The following RPF2 variants were observed in gnomAD, a reference collection of about 807,000 sequenced individuals.
RPF2 encodes ribosome production factor 2 homolog, also known as brix domain containing 1.
RPF2 carries 21 observed loss-of-function variants against 38.9 expected under a neutral mutation model. The ratio of observed to expected loss-of-function variants is 0.54; its 90% CI spans 0.38 to 0.78. The LOEUF (loss-of-function observed/expected upper bound fraction) is 0.78. RPF2 is among the 30% of genes least tolerant of loss of function. The pLI is 0.00. For synonymous variants in RPF2, 121 were observed against 126.2 expected, an observed-to-expected ratio of 0.96 and a Z score of 0.28; for missense variants, 314 against 358.1, an observed-to-expected ratio of 0.88 and a Z score of 0.99.
chr6:111,001,980 A>G (rs777779305), intron 6 of RPF2, among the ~76,000 whole-genome samples: 1 of 152,148 alleles, frequency 6.6e-6, no homozygotes, highest in Non-Finnish European at 1.5e-5. Flanking sequence ...ATTGTCTCAT[A>G]TATGTATAAA....
intron 8 of RPF2, among the ~76,000 whole-genome samples, chr6:111,017,930 A>C (rs1772157873): frequency 6.6e-6 from 1 of 152,088 alleles, no homozygotes. Context: ...AACATTGAGC[A>C]CTGAGTGAAC....
intron 7 of RPF2, among the ~76,000 whole-genome samples, chr6:111,014,070 G>A (rs1036690241): frequency 6.6e-6 from 1 of 151,194 alleles, no homozygotes; most frequent in African/African-American, 2.4e-5. Context: ...GTAGAGGAGG[G>A]TGGTGTATAA....
At chr6:111,002,212 G>A (rs1428207193) in intron 6 of RPF2, among the ~76,000 whole-genome samples, 2 of 152,194 alleles carry the variant, frequency 1.3e-5, no homozygotes, top group African/African-American at 2.4e-5. Flanking sequence ...CCCAGGAGGT[G>A]GAGGTTGCAG....
chr6:110,983,663 C>T (rs1771469695), intron 1 of RPF2, among the ~76,000 whole-genome samples: 1 of 152,088 alleles, frequency 6.6e-6, no homozygotes, highest in African/African-American at 2.4e-5. Flanking sequence ...TAAAAATTGG[C>T]CTGTTTACTT....
At chr6:110,984,841 AAAAC>A (rs147892015) in intron 1 of RPF2, among the ~76,000 whole-genome samples, 161 bp from the exon 2 acceptor site, 2 of 151,134 alleles carry the variant, frequency 1.3e-5, no homozygotes, top group Non-Finnish European at 2.9e-5. Flanking sequence ...CTCCATCTCA[AAAAC>A]AAACAAAAAA....
At chr6:110,996,511 A>G (rs1265313153) in intron 4 of RPF2, among the ~76,000 whole-genome samples, 2 of 152,288 alleles carry the variant, frequency 1.3e-5, no homozygotes, top group East Asian at 3.9e-4. Context: ...AATGTATGCA[A>G]TGATAGTAGT....
chr6:111,021,490 T>C (rs1350338097), intron 8 of RPF2, among the ~76,000 whole-genome samples: 1 of 152,078 alleles, frequency 6.6e-6, no homozygotes, highest in Non-Finnish European at 1.5e-5. Context: ...TGGGGAGCAT[T>C]GAGGATGGGA....
chr6:110,987,042 A>G (rs2114290156), intron 2 of RPF2, among the ~76,000 whole-genome samples: 1 of 151,990 alleles, frequency 6.6e-6, no homozygotes, highest in South Asian at 2.1e-4. Context: ...AGATCTTTGA[A>G]TTAAATCAAT....
intron 4 of RPF2, among the ~76,000 whole-genome samples, chr6:110,994,041 C>T (rs1771664595): frequency 6.6e-6 from 1 of 151,482 alleles, no homozygotes; most frequent in South Asian, 2.1e-4. Flanking sequence ...CTCTGGGAGG[C>T]CAAGGCGTGT....
intron 3 of RPF2, among the ~76,000 whole-genome samples, chr6:110,989,533 C>G (rs559999606): frequency 2.0e-5 from 3 of 151,680 alleles, no homozygotes; most frequent in Non-Finnish European, 4.4e-5. Context: ...TCACTACAAC[C>G]TCTAACTCTG....
intron 1 of RPF2, 68 bp from the exon 2 acceptor site, chr6:110,984,938 A>T: frequency 7.0e-7 from 1 of 1,426,012 alleles, no homozygotes; most frequent in Non-Finnish European, 9.5e-7. Context: ...TTTTCATATT[A>T]GTTAAGTCAT....
In RPF2 at chr6:111,008,172, C is replaced by G. The variant is rs1244256313; in HGVS notation, c.493+35C>G. 17 of 1,563,512 alleles carry G rather than the reference C, an allele frequency of 1.1e-5. No homozygotes were observed. The East Asian group carries it at 4.0e-4, about 37-fold the overall frequency. On this transcript the variant is annotated intron_variant, in intron 7 of 9. Transcript: ENST00000441448. ...TTAGTATTTATTATCTTCAGGGTAG[C>G]TCAGGAAGACAGTCTCAGACTCTCA... is the stretch of plus-strand genomic sequence containing the variant.
rs1292935677 is a variant in RPF2, at chr6:111,025,530, A to G, written c.869A>G (p.Glu290Gly). 1.2e-6 allele frequency: 2 copies of G among 1,613,460 alleles called. No homozygotes were observed. Among genetic ancestry groups the G allele is most frequent in the Non-Finnish European group, 8.5e-7 (1 of 1,179,936 alleles). Residue 290 changes from glutamate (E) to glycine (G), a missense_variant, in exon 10 of 10, where the codon GAA (glutamate) becomes GGA (glycine). Glu to Gly is a moderately conservative substitution (Grantham distance 98). Transcript: ENST00000441448. ...AAGGGGTTGAAGAAGCGACCTGCAG[A>G]AAGGATAACAGAAGACCACGAGAAA... ...KMKGLKKRPA[E>G]RITEDHEKKS...
chr6:111,019,456 T>TCAAAACA (rs1772189559), intron 8 of RPF2, among the ~76,000 whole-genome samples: 1 of 151,220 alleles, frequency 6.6e-6, no homozygotes, highest in Non-Finnish European at 1.5e-5. Flanking sequence ...AAAACAAAAT[T>TCAAAACA]AAACTTATGT....
chr6:110,991,121 T>A (rs3851217), intron 3 of RPF2, among the ~76,000 whole-genome samples: 53,822 of 151,840 alleles, frequency 0.35, 10,486 homozygotes, highest in East Asian at 0.67. Flanking sequence ...ACCCACACAC[T>A]TCCTCCTGTA....
At chr6:111,014,834 GTTA>G (rs1772079614) in intron 7 of RPF2, among the ~76,000 whole-genome samples, 1 of 152,170 alleles carries the variant, frequency 6.6e-6, no homozygotes, top group Non-Finnish European at 1.5e-5. Flanking sequence ...CTCTTTTTAA[GTTA>G]TTGTTTGAGA....
At position 110,989,183 on chromosome 6, in the gene RPF2, G is replaced by A. The variant is rs1175443992; in HGVS notation, c.194+118G>A. 3.0e-6 allele frequency: 3 copies of A among 1,014,686 alleles called. No individual in the cohort carries two copies. The African/African-American group carries it at 5.4e-5, about 18-fold the overall frequency. 62.9% of individuals were successfully genotyped at this position (1,014,686 alleles called of 1,614,324 possible). ...TAAAAAGATATTAAAATTCCTTACA[G>A]TTATTAATATTTTAATTTCTTTCTT... On this transcript the variant is annotated intron_variant, in intron 3 of 9. Coordinates refer to ENST00000441448, the MANE Select transcript of RPF2 (RefSeq NM_032194.3).
chr6:111,018,612 C>T (rs1404330434), intron 8 of RPF2, among the ~76,000 whole-genome samples: 5 of 151,982 alleles, frequency 3.3e-5, no homozygotes, highest in Non-Finnish European at 5.9e-5. Flanking sequence ...TAATTTCCAT[C>T]TTGGGCTCAA....
rs540898252 is a variant in RPF2, at chr6:111,014,367, C to T, written c.494-1387C>T. ...CCCTATGGTCTTGATCTCCTGACCT[C>T]ATGATCTGCTCGCCTCGGCCTCCCA... On this transcript the variant is annotated intron_variant, in intron 7 of 9. Coordinates refer to ENST00000441448, the MANE Select transcript of RPF2 (RefSeq NM_032194.3). Among the ~76,000 whole-genome samples the T allele has an allele frequency of 5.3e-5, 8 of 152,118 alleles. No individual in the cohort carries two copies. In the East Asian group the frequency reaches 1.2e-3, roughly 22 times the overall value.
Sources: allele counts gnomAD v4.1 joint callset (sites outside exome capture counted in the v4.1 genomes callset), GRCh38; gene constraint gnomAD v4.1.1; transcripts MANE v1.5; gene names NCBI Gene and HGNC (gene_info 2026-07-23, HGNC 2026-07-21).